Variants in NCKAP5 observed in about 807,000 individuals in gnomAD.
The protein encoded by NCKAP5 is nck-associated protein 5.
NCKAP5 carries 92 observed loss-of-function variants against 167.0 expected under a neutral mutation model. The ratio of observed to expected loss-of-function variants is 0.55; its 90% CI spans 0.47 to 0.66. The LOEUF (loss-of-function observed/expected upper bound fraction) is 0.66. Ranked by LOEUF, NCKAP5 falls within the 30% of genes least tolerant of loss-of-function variation. NCKAP5 has a pLI of 0.00. For missense variants in NCKAP5, 2,378 were observed against 2,315.0 expected, an observed-to-expected ratio of 1.03 and a Z score of -0.56; for synonymous variants, 891 against 877.4, an observed-to-expected ratio of 1.02 and a Z score of -0.27.
At chr2:132,889,297 A>C (rs1484787767) in intron 8 of NCKAP5, among the ~76,000 whole-genome samples, 1 of 152,174 alleles carries the variant, frequency 6.6e-6, no homozygotes, top group African/African-American at 2.4e-5. Context: ...TTAAGCCTCA[A>C]AGTGTTGAGA....
At chr2:133,136,881 T>A (rs2149819886) in intron 5 of NCKAP5, among the ~76,000 whole-genome samples, 1 of 152,310 alleles carries the variant, frequency 6.6e-6, no homozygotes, top group East Asian at 1.9e-4. Context: ...CACTCAAACA[T>A]CTTAAGAATT....
intron 3 of NCKAP5, among the ~76,000 whole-genome samples, chr2:133,313,461 T>G (rs558279798): frequency 6.6e-6 from 1 of 152,336 alleles, no homozygotes; most frequent in East Asian, 1.9e-4. Flanking sequence ...TTACTAATAC[T>G]TAGATATTCT....
chr2:133,470,546 G>A (rs934459949), intron 3 of NCKAP5, among the ~76,000 whole-genome samples: 11 of 152,306 alleles, frequency 7.2e-5, no homozygotes, highest in African/African-American at 2.2e-4. Context: ...CACCCAGTTC[G>A]AGCTTCCTGG....
intron 3 of NCKAP5, among the ~76,000 whole-genome samples, chr2:133,364,948 A>AT (rs1685361202): frequency 6.6e-6 from 1 of 151,996 alleles, no homozygotes; most frequent in Non-Finnish European, 1.5e-5. Context: ...ATGGGGTGTC[A>AT]CTATATTGCC....
intron 3 of NCKAP5, among the ~76,000 whole-genome samples, chr2:133,319,446 C>G (rs892174152): frequency 6.6e-6 from 1 of 151,988 alleles, no homozygotes; most frequent in South Asian, 2.1e-4. Context: ...TGCAGGTGCA[C>G]CCGGGATGTT....
intron 3 of NCKAP5, among the ~76,000 whole-genome samples, chr2:133,446,376 T>A (rs958523634): frequency 6.6e-6 from 1 of 152,222 alleles, no homozygotes; most frequent in African/African-American, 2.4e-5. Context: ...CAAAAATAGC[T>A]AACACATACT....
intron 3 of NCKAP5, among the ~76,000 whole-genome samples, chr2:133,352,649 G>A (rs1321712844): frequency 6.6e-6 from 1 of 152,216 alleles, no homozygotes. Flanking sequence ...GCATGGGGAT[G>A]GGTGGACTGA....
Position 132,784,553 on chromosome 2 carries a change from C to G in NCKAP5, c.2258G>C (p.Arg753Thr). Residue 753 changes from arginine (R) to threonine (T), a missense_variant, in exon 14 of 20, where the codon AGG becomes ACG. Physicochemically the swap from Arg to Thr is moderately conservative, Grantham distance 71 (BLOSUM62 -1). Transcript: ENST00000409261. ...GGAGCTGAAAGATTCAGTGGACACC[C>G]TGGGAACATTATCTACATTATCTTT... ...IPKDNVDNVP[R>T]VSTESFSSRT... 6.4e-7 allele frequency: 1 copy of G among 1,574,748 alleles called. No individual in the cohort carries two copies. The highest frequency in any genetic ancestry group is 1.2e-5 in the South Asian group (1 of 83,648).
At chr2:133,121,518 G>C (rs2082251284) in intron 6 of NCKAP5, among the ~76,000 whole-genome samples, 1 of 152,124 alleles carries the variant, frequency 6.6e-6, no homozygotes, top group Non-Finnish European at 1.5e-5. Flanking sequence ...ATTCACCTTA[G>C]AATTATTCCT....
Position 133,078,308 on chromosome 2 carries a change from T to A in NCKAP5, c.341+51670A>T, listed in dbSNP as rs542617451. ...GTGGATGCTTGGAGCTGCAGGTGAATCTACCTGGGTGCAAGAAGGCTGAGG... is the reference window on the plus strand; with the variant it reads ...GTGGATGCTTGGAGCTGCAGGTGAAACTACCTGGGTGCAAGAAGGCTGAGG... On this transcript the variant is annotated intron_variant, in intron 6 of 19. Transcript: ENST00000409261. Among the ~76,000 whole-genome samples the A allele has an allele frequency of 2.0e-5, 3 of 152,286 alleles. No homozygotes were observed. In the South Asian group the frequency reaches 6.2e-4, roughly 32 times the overall value.
At chr2:132,924,863 T>C (rs1488782809) in intron 8 of NCKAP5, among the ~76,000 whole-genome samples, 1 of 152,136 alleles carries the variant, frequency 6.6e-6, no homozygotes, top group African/African-American at 2.4e-5. Flanking sequence ...TACTAAGGAA[T>C]ATTTTCATTA....
At chr2:132,721,696 G>A (rs1262489981) in intron 19 of NCKAP5, among the ~76,000 whole-genome samples, 1 of 152,148 alleles carries the variant, frequency 6.6e-6, no homozygotes, top group Non-Finnish European at 1.5e-5. Context: ...TAGGGTTATT[G>A]GAAGCCAGCA....
At chr2:133,106,066 G>A (rs773280443) in intron 6 of NCKAP5, among the ~76,000 whole-genome samples, 10 of 151,904 alleles carry the variant, frequency 6.6e-5, no homozygotes, top group Non-Finnish European at 8.8e-5. Context: ...GGTCGAGGTG[G>A]GTGGATCATG....
At chr2:132,965,850 A>T (rs2076644704) in intron 7 of NCKAP5, among the ~76,000 whole-genome samples, 1 of 152,042 alleles carries the variant, frequency 6.6e-6, no homozygotes, top group African/African-American at 2.4e-5. Context: ...CAGTAAAAAC[A>T]TGGTATAATC....
chr2:133,612,590 T>G, the NCKAP5 span, among the ~76,000 whole-genome samples: 5 of 152,210 alleles, frequency 3.3e-5, no homozygotes. Context: ...ATTTTAGATT[T>G]TATGGTGTTA....
chr2:133,220,326 A>G (rs1344812), intron 4 of NCKAP5, among the ~76,000 whole-genome samples: 12 of 151,670 alleles, frequency 7.9e-5, no homozygotes, highest in Non-Finnish European at 1.5e-4. Flanking sequence ...GTATAAAAAA[A>G]GAATATAAAG....
intron 6 of NCKAP5, among the ~76,000 whole-genome samples, chr2:133,039,473 T>C (rs1401317471): frequency 6.6e-6 from 1 of 152,182 alleles, no homozygotes; most frequent in Non-Finnish European, 1.5e-5. Flanking sequence ...ATCAGAGTCT[T>C]TGATCTTGAA....
At chr2:133,202,767 C>T (rs1013486392) in intron 5 of NCKAP5, among the ~76,000 whole-genome samples, 2 of 152,140 alleles carry the variant, frequency 1.3e-5, no homozygotes, top group Non-Finnish European at 2.9e-5. Context: ...GACATTTATG[C>T]AGCCAACAGA....
At chr2:133,464,505 C>T (rs4954051) in intron 3 of NCKAP5, among the ~76,000 whole-genome samples, 40,102 of 151,922 alleles carry the variant, frequency 0.26, 5,578 homozygotes, top group East Asian at 0.41. Flanking sequence ...CCGGCTAACA[C>T]GGTGAAACCC....
Sources: gnomAD v4.1 joint callset for allele counts (sites outside exome capture counted in the v4.1 genomes callset) on GRCh38, gnomAD v4.1.1 for gene constraint, MANE v1.5 for transcripts, NCBI Gene and HGNC (gene_info 2026-07-23, HGNC 2026-07-21) for gene names.